CHD5: variants seen among roughly 807,000 people sequenced by gnomAD.
The protein encoded by CHD5 is chromodomain helicase DNA binding protein 5, also known as ATP-dependent chromatin remodeler CHD5.
Under a neutral mutation model 230.3 loss-of-function variants are expected in CHD5, and 69 were observed. The observed-to-expected ratio is 0.30, with a 90% CI of 0.25 to 0.37. CHD5 has a LOEUF of 0.37. Among genes scored for constraint, CHD5 ranks in the 10% least tolerant of loss-of-function variants. CHD5 has a pLI of 1.00. For missense variants in CHD5, 1,827 were observed against 2,622.8 expected (o/e 0.70, Z 6.63); for synonymous variants, 1,064 against 1,065.9 (o/e 1.00, Z 0.03).
rs751408556 is a variant in CHD5, at chr1:6,125,575, G to A, written c.4209C>T (p.Asp1403=). The A allele has an allele frequency of 2.5e-6, 4 of 1,603,792 alleles. No individual in the cohort carries two copies. The African/African-American group carries it at 5.4e-5, about 21-fold the overall frequency. Residue 1403 remains aspartate (D), a synonymous_variant, in exon 28 of 42, where the codon GAC becomes GAT. Coordinates refer to ENST00000262450, the MANE Select transcript of CHD5 (RefSeq NM_015557.3). The surrounding 1 kb of genome is among the most constrained non-coding windows in gnomAD (Gnocchi z 6.7). ...GAAGCGGGGGCAGGGGCTTGTCCCT[G>A]TCACTCTTCAGCTGCCTCCGGGATT... The part of the protein sequence containing the change: ...RRQSRRQLKS[D]RDKPLPPLLA...
At chr1:6,148,263 G>C (rs61488971) in intron 9 of CHD5, among the ~76,000 whole-genome samples, 1 of 152,032 alleles carries the variant, frequency 6.6e-6, no homozygotes, top group African/African-American at 2.4e-5. Context: ...GTGACTGGGG[G>C]GTGACGGATG....
intron 33 of CHD5, chr1:6,113,494 G>T: frequency 4.2e-6 from 1 of 239,270 alleles, no homozygotes; most frequent in Non-Finnish European, 8.6e-6. Context: ...GGAAGGAAGG[G>T]GAAACTGAAG....
At chr1:6,147,964 G>A (rs1378360142) in intron 9 of CHD5, among the ~76,000 whole-genome samples, 1 of 151,876 alleles carries the variant, frequency 6.6e-6, no homozygotes, top group Non-Finnish European at 1.5e-5. Flanking sequence ...CAGCCCCTCA[G>A]GGAAGAAGCT....
intron 25 of CHD5, chr1:6,127,077 G>A (rs1666570052): frequency 2.7e-6 from 1 of 374,188 alleles, no homozygotes; most frequent in Non-Finnish European, 5.0e-6. Flanking sequence ...AAGGTCATGG[G>A]CTCACCAGGT....
At chr1:6,147,069 G>A (rs146429166) in intron 9 of CHD5, among the ~76,000 whole-genome samples, 198 bp from the exon 10 acceptor site, 12 of 152,326 alleles carry the variant, frequency 7.9e-5, no homozygotes, top group African/African-American at 2.9e-4. Context: ...GATGGGCAGT[G>A]GGGGTCTGTG....
rs1666462431 is a variant in CHD5 at position 6,121,082 on chromosome 1, G to T, written c.4912+23C>A. On this transcript the variant is annotated intron_variant, in intron 33 of 41. Coordinates refer to ENST00000262450, the MANE Select transcript of CHD5 (RefSeq NM_015557.3). This position sits in a 1 kb window ranked among gnomAD's most constrained non-coding sequence, Gnocchi z 4.5. The stretch of plus-strand genomic sequence containing the variant: ...TGAGGCCAGACATGGCACTGGGGTG[G>T]GTGGCCTGCAAGAAGCCCCAACCTC... The T allele has an allele frequency of 6.4e-6, 10 of 1,569,036 alleles. No homozygotes were observed. The highest frequency in any genetic ancestry group is 8.6e-6 in the Non-Finnish European group (10 of 1,159,852).
chr1:6,156,498 T>C (rs1242198576), intron 3 of CHD5, among the ~76,000 whole-genome samples: 1 of 138,776 alleles, frequency 7.2e-6, no homozygotes, highest in Non-Finnish European at 1.5e-5. Flanking sequence ...ATGGCGCCAC[T>C]GCACTCCAGC....
At position 6,106,729 on chromosome 1, in the gene CHD5, G is replaced by A. The variant is rs947205115; in HGVS notation, c.5629C>T (p.Arg1877Trp). 5 of 1,611,836 alleles carry A rather than the reference G, an allele frequency of 3.1e-6. No homozygotes were observed. The highest frequency in any genetic ancestry group is 1.3e-5 in the African/African-American group (1 of 74,796). Residue 1877 changes from arginine to tryptophan, a missense_variant, in exon 39 of 42, where the codon CGG (arginine) becomes TGG (tryptophan). Arg to Trp is a moderately radical substitution (Grantham distance 101, BLOSUM62 -3). Around this residue, in one of 14 missense-constraint regions of CHD5, gnomAD observed 208 missense variants for 302.0 expected, o/e 0.69. Transcript: ENST00000262450. ...ATGCGGGACAGCATGGATGGCAGCC[G>A]GGTCACGTCGGCCTTCATGTCGCTC... ...LLSDMKADVT[R>W]LPSMLSRIPP...
chr1:6,172,999 T>C (rs1667362059), intron 1 of CHD5, among the ~76,000 whole-genome samples: 1 of 151,888 alleles, frequency 6.6e-6, no homozygotes, highest in Admixed American at 6.6e-5. Context: ...AGCCAGGAGC[T>C]GGGACGAGAA....
Position 6,146,415 on chromosome 1 carries a change from C to G in CHD5, c.1599G>C (p.Leu533=), listed in dbSNP as rs148444521. Residue 533 remains leucine, a synonymous_variant, in exon 11 of 42, where the codon CTG becomes CTC. Coordinates refer to ENST00000262450, the MANE Select transcript of CHD5 (RefSeq NM_015557.3). This position sits in a 1 kb window ranked among gnomAD's most constrained non-coding sequence, Gnocchi z 5.1. The part of the protein sequence containing the change: ...CSWVKELQLE[L]YHTVMYRNYQ... ...AGTTGCGATACATCACCGTGTGGTA[C>G]AGCTCCAGCTGCTCATGGAGCGGCA... 6.2e-7 allele frequency: 1 copy of G among 1,613,408 alleles called. No individual in the cohort carries two copies. Among genetic ancestry groups the G allele is most frequent in the South Asian group, 1.1e-5 (1 of 91,048 alleles).
intron 31 of CHD5, among the ~76,000 whole-genome samples, chr1:6,123,550 C>T (rs1666504810): frequency 6.6e-6 from 1 of 152,122 alleles, no homozygotes; most frequent in Admixed American, 6.5e-5. Context: ...CCTCAGCCTC[C>T]CGAGCAGCCG....
Position 6,143,864 on chromosome 1 carries a change from C to G in CHD5, c.2002G>C (p.Asp668His), listed in dbSNP as rs750901129. Residue 668 changes from aspartate to histidine, a missense_variant, in exon 13 of 42, where the codon GAC becomes CAC. Asp to His is a moderately conservative substitution (Grantham distance 81). This residue lies in a region of CHD5 where 657 missense variants were observed against 816.4 expected (regional missense o/e 0.80). Transcript: ENST00000262450. ...TCCGGCGGCTTCTCCTGCTTGTCGT[C>G]CCTCAGCTTCTTGCCCTTCTTGAGC... ...RLLKKGKKLR[D>H]DKQEKPPDTP... 7 of 1,603,530 alleles carry G rather than the reference C, an allele frequency of 4.4e-6. No individual in the cohort carries two copies. Among genetic ancestry groups the G allele is most frequent in the Non-Finnish European group, 6.0e-6 (7 of 1,175,454 alleles).
At chr1:6,156,955 T>A (rs960101312) in intron 3 of CHD5, among the ~76,000 whole-genome samples, 5 of 152,236 alleles carry the variant, frequency 3.3e-5, no homozygotes, top group Non-Finnish European at 7.3e-5. Context: ...AAGAAGTGGA[T>A]AAGTTACTTA....
At chr1:6,156,643 T>A (rs67596352) in intron 3 of CHD5, among the ~76,000 whole-genome samples, 16,186 of 151,752 alleles carry the variant, frequency 0.11, 1,202 homozygotes, top group African/African-American at 0.21. Flanking sequence ...GAAAGGAAAG[T>A]GCACTCTGCT....
intron 5 of CHD5, 33 bp from the exon 6 acceptor site, chr1:6,152,569 GCCAC>G: frequency 6.2e-7 from 1 of 1,611,860 alleles, no homozygotes; most frequent in Non-Finnish European, 8.5e-7. Context: ...GCCAACCACT[GCCAC>G]CACTGACGGC....
chr1:6,159,251 AC>A, intron 3 of CHD5, 84 bp downstream of exon 3: 8 of 1,524,014 alleles, frequency 5.2e-6, no homozygotes, highest in Non-Finnish European at 7.1e-6. Context: ...ACACACACAC[AC>A]ACACACAGAA....
chr1:6,132,649 C>T (rs1282250659), intron 20 of CHD5, among the ~76,000 whole-genome samples: 1 of 152,174 alleles, frequency 6.6e-6, no homozygotes. Context: ...TGGGAAAATG[C>T]CTCAGCACCA....
At chr1:6,158,086 G>A (rs563765928) in intron 3 of CHD5, among the ~76,000 whole-genome samples, 25 of 152,238 alleles carry the variant, frequency 1.6e-4, no homozygotes, top group Middle Eastern at 3.4e-3. Flanking sequence ...AAGAACAAAG[G>A]GAGCACAGTG....
Position 6,125,591 on chromosome 1 carries a change from C to T in CHD5, c.4193G>A (p.Arg1398Lys). 6.2e-7 allele frequency: 1 copy of T among 1,607,516 alleles called. No individual in the cohort carries two copies. The highest frequency in any genetic ancestry group is 8.5e-7 in the Non-Finnish European group (1 of 1,176,768). The change falls in exon 28 of 42, where the codon AGG (arginine) becomes AAG (lysine). Residue 1398 changes from arginine (R) to lysine (K), a missense_variant. Arg to Lys is a conservative substitution (Grantham distance 26, BLOSUM62 2). Around this residue, in one of 14 missense-constraint regions of CHD5, gnomAD observed 137 missense variants for 272.7 expected, o/e 0.50. Coordinates refer to ENST00000262450, the MANE Select transcript of CHD5 (RefSeq NM_015557.3). The surrounding 1 kb of genome is among the most constrained non-coding windows in gnomAD (Gnocchi z 6.7). ...CTTGTCCCTGTCACTCTTCAGCTGCCTCCGGGATTGTCGTCGTCCACCTGG... is the reference window on the plus strand; with the variant it reads ...CTTGTCCCTGTCACTCTTCAGCTGCTTCCGGGATTGTCGTCGTCCACCTGG... ...EGQSGRRQSR[R>K]QLKSDRDKPL...
Sources: gnomAD v4.1 joint callset for allele counts (sites outside exome capture counted in the v4.1 genomes callset) on GRCh38, gnomAD v4.1.1 for gene constraint, gnomAD v4.1.1 regional missense constraint, Gnocchi (gnomAD v3.1) non-coding constraint, MANE v1.5 for transcripts, NCBI Gene and HGNC (gene_info 2026-07-23, HGNC 2026-07-21) for gene names.